Variants in KLRG1 observed in about 807,000 individuals in gnomAD.
The protein encoded by KLRG1 is killer cell lectin like receptor G1, also known as killer cell lectin-like receptor subfamily G member 1.
KLRG1 carries 16 observed loss-of-function variants against 21.8 expected under a neutral mutation model. The observed-to-expected ratio is 0.73, with a 90% CI of 0.50 to 1.11. The LOEUF (loss-of-function observed/expected upper bound fraction) is 1.11. Ranked by LOEUF, KLRG1 falls within the 50% of genes most tolerant of loss-of-function variation. KLRG1 has a pLI of 0.00. For missense variants in KLRG1, 173 were observed against 218.3 expected (o/e 0.79, Z 1.31); for synonymous variants, 69 against 75.9 (o/e 0.91, Z 0.47).
At chr12:9,091,545 C>A in the KLRG1 span, 1 of 1,032,984 alleles carries the variant, frequency 9.7e-7, no homozygotes, top group South Asian at 1.6e-5. Flanking sequence ...AATAGAAATA[C>A]CAATAATGGA....
chr12:9,107,219 T>C, the KLRG1 span, among the ~76,000 whole-genome samples: 1 of 152,228 alleles, frequency 6.6e-6, no homozygotes, highest in African/African-American at 2.4e-5. Context: ...AGAGCAGAAC[T>C]GATGGCCTGG....
chr12:8,977,062 T>G (rs928599431), intron 1 of KLRG1, among the ~76,000 whole-genome samples: 2 of 152,076 alleles, frequency 1.3e-5, no homozygotes, highest in African/African-American at 4.8e-5. Flanking sequence ...CAAAGTTTAC[T>G]TTTTTTCTCA....
the KLRG1 span, among the ~76,000 whole-genome samples, chr12:9,027,070 A>G: frequency 6.6e-5 from 10 of 150,788 alleles, no homozygotes; most frequent in Admixed American, 2.0e-4. Flanking sequence ...AATGTACAAC[A>G]TGTTGTTTTG....
the KLRG1 span, chr12:9,077,928 G>T: frequency 1.3e-6 from 2 of 1,579,634 alleles, no homozygotes; most frequent in South Asian, 1.1e-5. Flanking sequence ...ACAGCAACAG[G>T]CTTCATATGA....
the KLRG1 span, chr12:9,194,260 T>C: frequency 3.1e-6 from 5 of 1,612,010 alleles, no homozygotes; most frequent in Middle Eastern, 6.6e-4. Context: ...AAGTACTTGA[T>C]AGTTGATGTG....
chr12:9,075,907 T>C, the KLRG1 span, among the ~76,000 whole-genome samples: 5 of 152,244 alleles, frequency 3.3e-5, no homozygotes, highest in Non-Finnish European at 4.4e-5. Flanking sequence ...GCTTATGCCC[T>C]TTTGTATATC....
chr12:9,107,136 T>C, the KLRG1 span, among the ~76,000 whole-genome samples: 1 of 152,122 alleles, frequency 6.6e-6, no homozygotes, highest in African/African-American at 2.4e-5. Flanking sequence ...GAAGCGGCCT[T>C]CTATATGGGG....
chr12:9,051,028 T>C, the KLRG1 span, among the ~76,000 whole-genome samples: 1 of 152,174 alleles, frequency 6.6e-6, no homozygotes, highest in Admixed American at 6.5e-5. Context: ...GCCTGAAGGC[T>C]GGGGGCCAGG....
At chr12:9,142,942 G>A in the KLRG1 span, among the ~76,000 whole-genome samples, 1 of 152,312 alleles carries the variant, frequency 6.6e-6, no homozygotes, top group African/African-American at 2.4e-5. Flanking sequence ...TTTAATACCT[G>A]CACCAAGAGT....
At chr12:9,071,648 A>G in the KLRG1 span, among the ~76,000 whole-genome samples, 1 of 151,998 alleles carries the variant, frequency 6.6e-6, no homozygotes, top group Non-Finnish European at 1.5e-5. Flanking sequence ...TTGTGTCCAT[A>G]TGTTCTCATC....
chr12:9,129,358 T>C, the KLRG1 span, among the ~76,000 whole-genome samples: 2 of 152,064 alleles, frequency 1.3e-5, no homozygotes, highest in Admixed American at 6.5e-5. Flanking sequence ...AGGAGAGAGA[T>C]AGAGAAGAAA....
chr12:9,072,843 G>T, the KLRG1 span: 1 of 1,614,038 alleles, frequency 6.2e-7, no homozygotes, highest in Non-Finnish European at 8.5e-7. Flanking sequence ...TCCATATTTG[G>T]ACAGAGCATG....
the KLRG1 span, among the ~76,000 whole-genome samples, chr12:9,024,956 A>G: frequency 6.6e-6 from 1 of 152,246 alleles, no homozygotes; most frequent in Non-Finnish European, 1.5e-5. Context: ...CACAGAGGAA[A>G]GAGCATAAAA....
intron 1 of KLRG1, among the ~76,000 whole-genome samples, chr12:8,981,984 T>G (rs2137291985): frequency 1.3e-5 from 2 of 152,338 alleles, no homozygotes; most frequent in East Asian, 3.9e-4. Flanking sequence ...TTATGAAATG[T>G]ACCTCTTTAT....
intron 3 of KLRG1, among the ~76,000 whole-genome samples, chr12:9,008,421 G>A (rs1337898841): frequency 6.6e-6 from 1 of 152,218 alleles, no homozygotes. Context: ...CCTCTCTACA[G>A]CTAACACATC....
At chr12:9,051,171 T>C in the KLRG1 span, among the ~76,000 whole-genome samples, 12 of 151,998 alleles carry the variant, frequency 7.9e-5, no homozygotes, top group Non-Finnish European at 1.2e-4. Flanking sequence ...CAGAACAAGA[T>C]AGGATGGAGA....
the KLRG1 span, chr12:9,151,763 G>A: frequency 2.0e-6 from 2 of 986,206 alleles, no homozygotes; most frequent in Admixed American, 2.1e-5. Context: ...GGGACAAATG[G>A]TCATTCTCTG....
chr12:9,093,018 G>A, the KLRG1 span, among the ~76,000 whole-genome samples: 25 of 152,206 alleles, frequency 1.6e-4, no homozygotes, highest in East Asian at 3.9e-4. Context: ...CAAGTACTGC[G>A]TGATCTTACT....
At chr12:9,120,692 C>T in the KLRG1 span, among the ~76,000 whole-genome samples, 1 of 152,132 alleles carries the variant, frequency 6.6e-6, no homozygotes, top group Admixed American at 6.5e-5. Context: ...AAAACAAGCT[C>T]AGTAGGTGGC....
Sources: gnomAD v4.1 joint callset for allele counts (sites outside exome capture counted in the v4.1 genomes callset) on GRCh38, gnomAD v4.1.1 for gene constraint, MANE v1.5 for transcripts, NCBI Gene and HGNC (gene_info 2026-07-23, HGNC 2026-07-21) for gene names.